The following ARHGAP8 variants were observed in gnomAD, a reference collection of about 807,000 sequenced individuals.
ARHGAP8 encodes Rho GTPase activating protein 8.
A neutral mutation model predicts 46.1 loss-of-function variants in ARHGAP8; 62 were observed. The observed-to-expected ratio is 1.34, with a 90% CI of 1.10 to 1.66. The LOEUF is 1.66. Ranked by LOEUF, ARHGAP8 falls within the 40% of genes most tolerant of loss-of-function variation. ARHGAP8 has a pLI of 0.00. For synonymous variants in ARHGAP8, 375 were observed against 243.1 expected, an observed-to-expected ratio of 1.54 and a Z score of -5.05; for missense variants, 923 against 568.4, an observed-to-expected ratio of 1.62 and a Z score of -6.34.
At position 44,846,559 on chromosome 22, in the gene ARHGAP8, G is replaced by T. The variant is rs537441837; in HGVS notation, c.670+1217G>T. ...GCTGGCAGGTGAGCAGGTACGGGGGGCACCCCACACTGGGACCCCAAGAGG... is the reference window on the plus strand; with the variant it reads ...GCTGGCAGGTGAGCAGGTACGGGGGTCACCCCACACTGGGACCCCAAGAGG... On this transcript the variant is annotated intron_variant, in intron 8 of 11. Transcript: ENST00000356099. Among the ~76,000 whole-genome samples the T allele has an allele frequency of 9.9e-5, 15 of 152,254 alleles. No individual in the cohort carries two copies. The East Asian group carries it at 1.5e-3, about 16-fold the overall frequency.
At chr22:44,759,456 G>T (rs1288024994) in intron 1 of ARHGAP8, among the ~76,000 whole-genome samples, 3 of 152,204 alleles carry the variant, frequency 2.0e-5, no homozygotes, top group Admixed American at 6.5e-5. Context: ...CCGGCCCAAA[G>T]TCAAGGGGGG....
At chr22:44,860,885 A>G (rs1040849279) in intron 11 of ARHGAP8, among the ~76,000 whole-genome samples, 13 of 152,308 alleles carry the variant, frequency 8.5e-5, no homozygotes, top group African/African-American at 2.6e-4. Flanking sequence ...GAGCCTGAGC[A>G]GAGTAGGCGT....
At chr22:44,778,087 C>T (rs1007641978) in intron 1 of ARHGAP8, among the ~76,000 whole-genome samples, 1 of 151,376 alleles carries the variant, frequency 6.6e-6, no homozygotes, top group African/African-American at 2.4e-5. Context: ...TACATGAGTA[C>T]GTTCTTTAGT....
At chr22:44,795,412 A>T (rs142271165) in intron 2 of ARHGAP8, among the ~76,000 whole-genome samples, 1 of 152,002 alleles carries the variant, frequency 6.6e-6, no homozygotes, top group African/African-American at 2.4e-5. Context: ...GGCTGAACTG[A>T]GTCCAAGTTT....
Position 44,825,486 on chromosome 22 carries a change from C to T in ARHGAP8, c.489C>T (p.Tyr163=), listed in dbSNP as rs144191237. 2.6e-4 allele frequency: 412 copies of T among 1,612,720 alleles called. 2 individuals carry two copies. The highest frequency in any genetic ancestry group is 9.0e-4 in the South Asian group (82 of 90,954). The part of the protein sequence containing the change: ...QLVIPPEVLR[Y]DEKLQSLHEG... Reference sequence around the variant, plus strand: ...CCAGCCTCTGTTGTGTCTACAGGTACGATGAGAAGCTCCAGAGCCTGCACG... The same window carrying T: ...CCAGCCTCTGTTGTGTCTACAGGTATGATGAGAAGCTCCAGAGCCTGCACG... The change falls in exon 7 of 12, where the codon TAC becomes TAT. Residue 163 remains tyrosine, a synonymous_variant. Coordinates refer to ENST00000356099, the MANE Select transcript of ARHGAP8 (RefSeq NM_181335.3).
At chr22:44,828,097 G>A (rs1459383275) in intron 7 of ARHGAP8, among the ~76,000 whole-genome samples, 1 of 152,146 alleles carries the variant, frequency 6.6e-6, no homozygotes, top group Non-Finnish European at 1.5e-5. Flanking sequence ...ATTCACCCTC[G>A]CCTTCCCTAA....
intron 1 of ARHGAP8, among the ~76,000 whole-genome samples, chr22:44,784,580 C>A (rs1329413244): frequency 6.6e-6 from 1 of 152,162 alleles, no homozygotes; most frequent in African/African-American, 2.4e-5. Flanking sequence ...ATTTTGGTAT[C>A]CCTGGGGGGT....
chr22:44,806,101 A>G (rs2147087744), intron 3 of ARHGAP8, among the ~76,000 whole-genome samples: 1 of 152,272 alleles, frequency 6.6e-6, no homozygotes, highest in East Asian at 1.9e-4. Flanking sequence ...CTCTCTTGAA[A>G]AAGTCATTTG....
chr22:44,765,161 A>G (rs1473714404), intron 1 of ARHGAP8: 1 of 152,174 alleles, frequency 6.6e-6, no homozygotes, highest in Non-Finnish European at 1.5e-5. Flanking sequence ...CGGGGCCTGC[A>G]CTGGGGTTTG....
chr22:44,808,343 C>A lies in ARHGAP8; in HGVS notation c.204C>A (p.Asn68Lys), dbSNP rs565633378. The change falls in exon 4 of 12, where the codon AAC (asparagine) becomes AAA (lysine). Residue 68 changes from asparagine (N) to lysine (K), a missense_variant. Transcript: ENST00000356099. The part of the protein sequence containing the change: ...LKYTLDQYVE[N>K]DYTIVYFHYG... ...ACACACTGGACCAATACGTTGAGAA[C>A]GATTATACCATCGTCTATTTCCACT... The A allele has an allele frequency of 6.2e-7, 1 of 1,614,232 alleles. No individual in the cohort carries two copies. Among genetic ancestry groups the A allele is most frequent in the South Asian group, 1.1e-5 (1 of 91,086 alleles).
At chr22:44,859,403 C>CT (rs1338334354) in intron 10 of ARHGAP8, among the ~76,000 whole-genome samples, 2 of 152,164 alleles carry the variant, frequency 1.3e-5, no homozygotes, top group Non-Finnish European at 2.9e-5. Flanking sequence ...CACCTCCTTC[C>CT]TTTTTGCCTT....
chr22:44,835,748 C>T (rs1448471104), intron 7 of ARHGAP8, among the ~76,000 whole-genome samples: 2 of 152,214 alleles, frequency 1.3e-5, no homozygotes, highest in Admixed American at 6.5e-5. Context: ...ATCTTATTAG[C>T]AAGCAGGACC....
intron 1 of ARHGAP8, among the ~76,000 whole-genome samples, chr22:44,781,649 A>G (rs776272138): frequency 1.5e-4 from 22 of 151,598 alleles, no homozygotes; most frequent in Non-Finnish European, 2.9e-4. Context: ...TCAGCCCCCA[A>G]GTAGCTGGGA....
rs552494046 is a variant in ARHGAP8 at position 44,752,893 on chromosome 22, C to T, written c.-72+266C>T. On this transcript the variant is annotated intron_variant, in intron 1 of 11. Coordinates refer to ENST00000356099, the MANE Select transcript of ARHGAP8 (RefSeq NM_181335.3). ...CCCACACTCCCCTCCTCTGCTTTTT[C>T]CCCTGTCCTGTTCCTTCTCACCCCG... is the stretch of plus-strand genomic sequence containing the variant. Among the ~76,000 whole-genome samples the T allele has an allele frequency of 3.7e-3, 552 of 147,268 alleles. 1 individual carries two copies. The highest frequency in any genetic ancestry group is 0.024 in the Middle Eastern group (7 of 288).
Position 44,849,025 on chromosome 22 carries a change from C to G in ARHGAP8, c.842C>G (p.Thr281Ser). 1 of 1,614,052 alleles carries G rather than the reference C, an allele frequency of 6.2e-7. No homozygotes were observed. The highest frequency in any genetic ancestry group is 1.1e-5 in the South Asian group (1 of 91,092). ...FLRELPQPLL[T>S]FQAYEQILGI... The stretch of plus-strand genomic sequence containing the variant: ...CGAGAGCTGCCCCAGCCGCTTCTGA[C>G]CTTCCAGGCCTACGAGCAGATTCTC... The change falls in exon 10 of 12, where the codon ACC becomes AGC. Residue 281 changes from threonine (T) to serine (S), a missense_variant. Physicochemically the swap from Thr to Ser is moderately conservative, Grantham distance 58. Coordinates refer to ENST00000356099, the MANE Select transcript of ARHGAP8 (RefSeq NM_181335.3).
At chr22:44,784,427 C>T (rs1410043696) in intron 1 of ARHGAP8, among the ~76,000 whole-genome samples, 1 of 152,106 alleles carries the variant, frequency 6.6e-6, no homozygotes, top group South Asian at 2.1e-4. Flanking sequence ...CAACAACAAA[C>T]AGTATAAAAA....
intron 7 of ARHGAP8, among the ~76,000 whole-genome samples, chr22:44,843,240 T>C (rs1336172451): frequency 1.3e-5 from 2 of 152,204 alleles, no homozygotes; most frequent in Non-Finnish European, 1.5e-5. Context: ...CAGAAATAAA[T>C]GCCCAGTAAA....
intron 5 of ARHGAP8, among the ~76,000 whole-genome samples, chr22:44,819,932 C>T (rs766119652): frequency 3.9e-5 from 6 of 152,166 alleles, no homozygotes; most frequent in Non-Finnish European, 7.4e-5. Context: ...AAGCAGCTGC[C>T]AGGAGAGGAC....
intron 1 of ARHGAP8, among the ~76,000 whole-genome samples, chr22:44,778,953 TA>T: frequency 6.6e-6 from 1 of 151,950 alleles, no homozygotes; most frequent in East Asian, 1.9e-4. Flanking sequence ...CTTTCACCCA[TA>T]ATGAGTGAAC....
Sources: gnomAD v4.1 joint callset for allele counts (sites outside exome capture counted in the v4.1 genomes callset) on GRCh38, gnomAD v4.1.1 for gene constraint, MANE v1.5 for transcripts, NCBI Gene and HGNC (gene_info 2026-07-23, HGNC 2026-07-21) for gene names.